CCM2L: variants seen among roughly 807,000 people sequenced by gnomAD.
The protein encoded by CCM2L is CCM2 like scaffold protein.
In CCM2L, 36 loss-of-function variants were observed where a neutral mutation model predicts 54.1. That is an observed-to-expected ratio of 0.67 (90% CI 0.51 to 0.88). The LOEUF (loss-of-function observed/expected upper bound fraction) is 0.88, where lower values mean the gene tolerates loss of function less well. Among genes scored for constraint, CCM2L ranks in the 40% least tolerant of loss-of-function variants. CCM2L has a pLI of 0.00. For synonymous variants in CCM2L, 351 were observed against 359.3 expected, an observed-to-expected ratio of 0.98 and a Z score of 0.26; for missense variants, 700 against 812.1, an observed-to-expected ratio of 0.86 and a Z score of 1.68.
chr20:32,025,118 CCT>C (rs2064844153), intron 6 of CCM2L, among the ~76,000 whole-genome samples: 1 of 149,356 alleles, frequency 6.7e-6, no homozygotes, highest in Non-Finnish European at 1.5e-5. Flanking sequence ...TTCCCCTTCC[CCT>C]TTCTTTCTTT....
intron 7 of CCM2L, chr20:32,028,764 G>C (rs1461446614): frequency 7.2e-6 from 4 of 555,516 alleles, no homozygotes; most frequent in Middle Eastern, 4.9e-4. Flanking sequence ...ACACCCAGAG[G>C]TGAGGAGATA....
chr20:32,018,196 CGGGGGCGGGGGCGGGGG>C (rs2064758625), intron 4 of CCM2L, 34 bp downstream of exon 4: 1 of 9,784 alleles, frequency 1.0e-4, no homozygotes, highest in Non-Finnish European at 1.6e-4. Context: ...GGGGGAGGGG[CGGGGGCGGGGGCGGGGG>C]AGGGGCGGGG....
rs1568910108 is a variant in CCM2L, at chr20:32,014,983, GGCCCCTGCACTCGAT to G, written c.117_131del (p.His40_Leu44del). 1 of 1,588,986 alleles carries G rather than the reference GGCCCCTGCACTCGAT, an allele frequency of 6.3e-7. No homozygotes were observed. The highest frequency in any genetic ancestry group is 1.8e-5 in the Admixed American group (1 of 55,896). ...GCCTGTAGGAGCAGCGTGAGCCGCCGGCCCCTGCACTCGATGCCCCTTTATCCCCCCGACTACCTC... is the reference window on the plus strand; with the variant it reads ...GCCTGTAGGAGCAGCGTGAGCCGCCGGCCCCTTTATCCCCCCGACTACCTC... On this transcript the variant is annotated inframe_deletion, in exon 2 of 10. Coordinates refer to ENST00000452892, the MANE Select transcript of CCM2L (RefSeq NM_001365692.1).
intron 1 of CCM2L, among the ~76,000 whole-genome samples, chr20:32,013,509 G>A (rs1397362796): frequency 2.6e-5 from 4 of 152,012 alleles, no homozygotes; most frequent in East Asian, 1.9e-4. Flanking sequence ...TGTTGCAATC[G>A]CAGCTCACAG....
intron 1 of CCM2L, among the ~76,000 whole-genome samples, chr20:32,013,291 C>T (rs1293414226): frequency 6.6e-6 from 1 of 152,110 alleles, no homozygotes; most frequent in Non-Finnish European, 1.5e-5. Context: ...AGAGCAACAT[C>T]CTATCTCAAA....
chr20:32,030,773 T>C (rs2064914419), intron 9 of CCM2L, among the ~76,000 whole-genome samples: 1 of 151,256 alleles, frequency 6.6e-6, no homozygotes. Context: ...AGGCAGAGGC[T>C]ATAATAATAA....
chr20:32,026,875 C>CAA (rs761380291), intron 7 of CCM2L, among the ~76,000 whole-genome samples: 66 of 111,552 alleles, frequency 5.9e-4, no homozygotes, highest in African/African-American at 1.7e-3. Context: ...GACTCTATCT[C>CAA]AAAAAAAAAA....
intron 5 of CCM2L, among the ~76,000 whole-genome samples, chr20:32,020,886 A>G (rs1211750597): frequency 6.6e-6 from 1 of 152,170 alleles, no homozygotes; most frequent in Non-Finnish European, 1.5e-5. Flanking sequence ...TGGGAGGCTG[A>G]AGCACGAGAA....
chr20:32,031,257 GGATGAGCCCC>G lies in CCM2L; in HGVS notation c.1661_1670del (p.Asp554GlyfsTer30). 7.7e-7 allele frequency: 1 copy of G among 1,295,184 alleles called. No individual in the cohort carries two copies. 80.2% of individuals were successfully genotyped at this position (1,295,184 alleles called of 1,614,324 possible). A position where few individuals can be genotyped will look rare whatever the true frequency, so the allele number is the denominator to read the frequency against. Reference sequence around the variant, plus strand: ...CCCCCGATGACGACGACGACGACGAGGATGAGCCCCGGGGCTCCAGGGGCGGGAGCGACGC... The same window carrying G: ...CCCCCGATGACGACGACGACGACGAGGGGGCTCCAGGGGCGGGAGCGACGC... On this transcript the variant is annotated frameshift_variant, in exon 10 of 10. Transcript: ENST00000452892. LOFTEE classifies it high-confidence loss of function.
intron 5 of CCM2L, among the ~76,000 whole-genome samples, chr20:32,021,391 A>T (rs2064805669): frequency 6.6e-6 from 1 of 151,990 alleles, no homozygotes; most frequent in African/African-American, 2.4e-5. Context: ...GGAGTGAGTA[A>T]ATAAGTGTAA....
At chr20:32,028,820 A>AGCAAAG (rs909952681) in intron 7 of CCM2L, 175 bp from the exon 8 acceptor site, 7 of 758,516 alleles carry the variant, frequency 9.2e-6, no homozygotes, top group Middle Eastern at 3.9e-4. Flanking sequence ...AAGCACAAAG[A>AGCAAAG]GCAAAGGCAA....
chr20:32,030,959 G>T, intron 9 of CCM2L, 42 bp from the exon 10 acceptor site: 1 of 1,295,642 alleles, frequency 7.7e-7, no homozygotes, highest in Non-Finnish European at 1.0e-6. Flanking sequence ...GGAAGGGAAA[G>T]GGAACGTGTC....
rs1221279114 is a variant in CCM2L, at chr20:32,031,609, G to A, written c.*295G>A. On this transcript the variant is annotated 3_prime_UTR_variant, in exon 10 of 10. Coordinates refer to ENST00000452892, the MANE Select transcript of CCM2L (RefSeq NM_001365692.1). ...TTGTCCCAGAAGTCCAGAGGGATCA[G>A]CCCCAGAACACACCCTCCTCCCCGG... 3 of 194,276 alleles carry A rather than the reference G, an allele frequency of 1.5e-5. No individual in the cohort carries two copies. Among genetic ancestry groups the A allele is most frequent in the Non-Finnish European group, 3.2e-5 (3 of 93,194 alleles). The allele number at this position is 194,276 out of a possible 1,614,324, so 12.0% of individuals were successfully genotyped here.
intron 1 of CCM2L, among the ~76,000 whole-genome samples, chr20:32,013,134 C>G (rs2064708057): frequency 6.6e-6 from 1 of 152,018 alleles, no homozygotes; most frequent in African/African-American, 2.4e-5. Flanking sequence ...CTCATCTCTA[C>G]TAAAAATTTA....
Position 32,031,450 on chromosome 20 carries a change from C to A in CCM2L, c.*136C>A. The A allele has an allele frequency of 1.5e-6, 1 of 659,356 alleles. No individual in the cohort carries two copies. The highest frequency in any genetic ancestry group is 2.2e-6 in the Non-Finnish European group (1 of 461,388). The allele number at this position is 659,356 out of a possible 1,614,324, so 40.8% of individuals were successfully genotyped here. ...CTTCACTCCAGGGTCTCGCTCCCTGCCCTTGGGGCCCGGGGCCATGCAGTA... is the reference window on the plus strand; with the variant it reads ...CTTCACTCCAGGGTCTCGCTCCCTGACCTTGGGGCCCGGGGCCATGCAGTA... On this transcript the variant is annotated 3_prime_UTR_variant, in exon 10 of 10. Coordinates refer to ENST00000452892, the MANE Select transcript of CCM2L (RefSeq NM_001365692.1).
At chr20:32,022,156 G>C (rs2064811355) in intron 5 of CCM2L, among the ~76,000 whole-genome samples, 1 of 126,668 alleles carries the variant, frequency 7.9e-6, no homozygotes, top group Non-Finnish European at 1.7e-5. Flanking sequence ...CCTTCTATCA[G>C]AGATTGAATT....
chr20:32,016,627 G>A (rs2064743551), intron 2 of CCM2L, among the ~76,000 whole-genome samples: 1 of 151,974 alleles, frequency 6.6e-6, no homozygotes, highest in Admixed American at 6.5e-5. Context: ...CTGCACTCCA[G>A]CCCGGGCGAC....
chr20:32,019,019 C>T lies in CCM2L; in HGVS notation c.543C>T (p.Gly181=), dbSNP rs1846530186. The T allele has an allele frequency of 3.7e-5, 49 of 1,328,956 alleles. No homozygotes were observed. The highest frequency in any genetic ancestry group is 4.5e-5 in the Non-Finnish European group (47 of 1,048,138). 82.3% of individuals were successfully genotyped at this position (1,328,956 alleles called of 1,614,324 possible). A position where few individuals can be genotyped will look rare whatever the true frequency, so the allele number is the denominator to read the frequency against. ...GGAGRDPGPP[G]GAPEKRRVGT... is the part of the protein sequence containing the mutation. ...CAGGACGCGACCCCGGCCCGCCAGGCGGGGCGCCCGAGAAGCGGCGGGTGG... is the reference window on the plus strand; with the variant it reads ...CAGGACGCGACCCCGGCCCGCCAGGTGGGGCGCCCGAGAAGCGGCGGGTGG... The change falls in exon 5 of 10, where the codon GGC becomes GGT. Residue 181 remains glycine (G), a synonymous_variant. Coordinates refer to ENST00000452892, the MANE Select transcript of CCM2L (RefSeq NM_001365692.1).
rs1194264255 is a variant in CCM2L, at chr20:32,013,684, C to T, written c.31-1220C>T. Among the ~76,000 whole-genome samples the T allele has an allele frequency of 2.6e-5, 4 of 152,026 alleles. No individual in the cohort carries two copies. The East Asian group carries it at 7.7e-4, about 29-fold the overall frequency. On this transcript the variant is annotated intron_variant, in intron 1 of 9. Coordinates refer to ENST00000452892, the MANE Select transcript of CCM2L (RefSeq NM_001365692.1). ...AGGCTGGTCTCAAACTCCTGGGCTC[C>T]AGCTCTCCTCCTGCCTCAGCCTCCC...
Sources: allele counts gnomAD v4.1 joint callset (sites outside exome capture counted in the v4.1 genomes callset), GRCh38; gene constraint gnomAD v4.1.1; transcripts MANE v1.5; gene names NCBI Gene and HGNC (gene_info 2026-07-23, HGNC 2026-07-21).